INPP5F: variants seen among roughly 807,000 people sequenced by gnomAD.
INPP5F encodes the protein phosphatidylinositide 4-phosphatase SAC2.
INPP5F carries 97 observed loss-of-function variants against 137.2 expected under a neutral mutation model. The observed-to-expected ratio is 0.71, with a 90% CI of 0.60 to 0.84. The LOEUF is 0.84. Among genes scored for constraint, INPP5F ranks in the 40% least tolerant of loss-of-function variants. The pLI is 0.00. For missense variants in INPP5F, 1,271 were observed against 1,371.9 expected (o/e 0.93, Z 1.16); for synonymous variants, 504 against 476.9 (o/e 1.06, Z -0.74).
Position 119,828,670 on chromosome 10 carries a change from C to T in INPP5F, c.*890C>T, listed in dbSNP as rs927279411. The T allele has an allele frequency of 7.2e-5, 11 of 152,258 alleles. No homozygotes were observed. The highest frequency in any genetic ancestry group is 2.7e-4 in the African/African-American group (11 of 41,414). 9.4% of individuals were successfully genotyped at this position (152,258 alleles called of 1,614,324 possible). A position where few individuals can be genotyped will look rare whatever the true frequency, so the allele number is the denominator to read the frequency against. ...CTTTGGGAGGCCAGGAGTTTTGAGA[C>T]CAGCCTGGGAAACATCTGTCTCTAC... On this transcript the variant is annotated 3_prime_UTR_variant, in exon 20 of 20. Coordinates refer to ENST00000650623, the MANE Select transcript of INPP5F (RefSeq NM_014937.4).
Position 119,810,117 on chromosome 10 carries a change from A to C in INPP5F, c.1587A>C (p.Thr529=). The change falls in exon 14 of 20, where the codon ACA becomes ACC. Residue 529 remains threonine (T), a synonymous_variant. Coordinates refer to ENST00000650623, the MANE Select transcript of INPP5F (RefSeq NM_014937.4). ...TAALKGDFTR[T]GERKLAGVMK... is the part of the protein sequence containing the mutation. ...TTTGACAGGGTGACTTTACAAGGAC[A>C]GGAGAAAGGAAGTTAGCAGGAGTTA... The C allele has an allele frequency of 1.2e-6, 2 of 1,610,128 alleles. No homozygotes were observed. The highest frequency in any genetic ancestry group is 1.7e-6 in the Non-Finnish European group (2 of 1,176,686).
chr10:119,761,609 T>TA (rs1389848754), intron 2 of INPP5F, among the ~76,000 whole-genome samples: 1 of 152,070 alleles, frequency 6.6e-6, no homozygotes, highest in African/African-American at 2.4e-5. Flanking sequence ...GACATGGCTT[T>TA]AAATGTAAAA....
intron 8 of INPP5F, 146 bp from the exon 9 acceptor site, chr10:119,798,397 A>G: frequency 1.7e-6 from 1 of 573,138 alleles, no homozygotes; most frequent in Admixed American, 3.3e-5. Flanking sequence ...TTGACTTAGC[A>G]TTTCATTTTT....
intron 19 of INPP5F, among the ~76,000 whole-genome samples, chr10:119,826,234 G>A (rs1007677436): frequency 1.1e-4 from 16 of 152,206 alleles, no homozygotes; most frequent in African/African-American, 3.9e-4. Context: ...TGGTTGTGAA[G>A]CCTTTTAGAA....
At chr10:119,745,907 G>A (rs1848517658) in intron 1 of INPP5F, among the ~76,000 whole-genome samples, 1 of 152,020 alleles carries the variant, frequency 6.6e-6, no homozygotes, top group Non-Finnish European at 1.5e-5. Flanking sequence ...GTTTCACCAT[G>A]TTGGTCAGCC....
At chr10:119,765,812 T>C (rs1247617272) in intron 2 of INPP5F, among the ~76,000 whole-genome samples, 2 of 148,252 alleles carry the variant, frequency 1.3e-5, no homozygotes, top group African/African-American at 4.9e-5. Flanking sequence ...TATATAGATA[T>C]ACACTATATA....
chr10:119,791,299 A>G (rs967568376), intron 3 of INPP5F, among the ~76,000 whole-genome samples: 14 of 152,226 alleles, frequency 9.2e-5, no homozygotes, highest in Non-Finnish European at 1.9e-4. Flanking sequence ...AATCCTAAGT[A>G]TATCCTGCCC....
chr10:119,823,027 T>C, intron 17 of INPP5F, 44 bp from the exon 18 acceptor site: 10 of 1,552,670 alleles, frequency 6.4e-6, no homozygotes, highest in Non-Finnish European at 8.7e-6. Flanking sequence ...AAGAAAATGT[T>C]ATGTGAAACA....
chr10:119,777,948 C>G (rs1849579111), intron 2 of INPP5F, among the ~76,000 whole-genome samples: 1 of 152,060 alleles, frequency 6.6e-6, no homozygotes, highest in African/African-American at 2.4e-5. Context: ...GAAAGTTGAT[C>G]AGTACTTGGG....
chr10:119,820,126 G>A (rs545968966), intron 15 of INPP5F, among the ~76,000 whole-genome samples: 1 of 152,274 alleles, frequency 6.6e-6, no homozygotes, highest in East Asian at 1.9e-4. Context: ...TTAATTATTT[G>A]TAGATTTTAT....
chr10:119,810,150 T>C lies in INPP5F; in HGVS notation c.1620T>C (p.Asp540=). 1 of 1,613,552 alleles carries C rather than the reference T, an allele frequency of 6.2e-7. No homozygotes were observed. ...GERKLAGVMK[D]GVNSANRYYL... is the part of the protein sequence containing the mutation. The stretch of plus-strand genomic sequence containing the variant: ...GGAAGTTAGCAGGAGTTATGAAAGA[T>C]GGAGTGAACTCAGCAAACAGATATT... Residue 540 remains aspartate, a synonymous_variant, in exon 14 of 20, where the codon GAT becomes GAC. Transcript: ENST00000650623.
rs367600075 is a variant in INPP5F at position 119,746,934 on chromosome 10, G to A, written c.98-4142G>A. Among the ~76,000 whole-genome samples the A allele has an allele frequency of 1.1e-4, 16 of 151,912 alleles. No homozygotes were observed. The South Asian group carries it at 1.5e-3, about 14-fold the overall frequency. On this transcript the variant is annotated intron_variant, in intron 1 of 19. Transcript: ENST00000650623. ...CTCCCAAGTAGCTGGGATTATAGGC[G>A]TGTGCCAACACGTTCAGCTAATTTT... is the stretch of plus-strand genomic sequence containing the variant.
At chr10:119,740,469 G>A (rs1428004015) in intron 1 of INPP5F, among the ~76,000 whole-genome samples, 1 of 152,326 alleles carries the variant, frequency 6.6e-6, no homozygotes, top group East Asian at 1.9e-4. Context: ...CTCTGAGAAG[G>A]CTTTCAGGAA....
chr10:119,796,677 A>G (rs1415601275), intron 6 of INPP5F, 38 bp from the exon 7 acceptor site: 3 of 1,495,728 alleles, frequency 2.0e-6, no homozygotes, highest in Non-Finnish European at 2.8e-6. Context: ...GCAGTGCTGT[A>G]CAGAATAGAA....
At chr10:119,819,378 G>T in intron 15 of INPP5F, 1 of 1,378,282 alleles carries the variant, frequency 7.3e-7, no homozygotes, top group Non-Finnish European at 9.5e-7. Context: ...AGGACATAAT[G>T]TTTTTGACTG....
chr10:119,806,466 G>A lies in INPP5F; in HGVS notation c.1426G>A (p.Val476Ile). 6.2e-7 allele frequency: 1 copy of A among 1,604,302 alleles called. No homozygotes were observed. The highest frequency in any genetic ancestry group is 8.5e-7 in the Non-Finnish European group (1 of 1,176,566). Residue 476 changes from valine to isoleucine, a missense_variant, in exon 12 of 20, where the codon GTC (valine) becomes ATC (isoleucine). Val to Ile is a conservative substitution (Grantham distance 29). This residue lies in a region of INPP5F where 593 missense variants were observed against 712.4 expected (regional missense o/e 0.83). Coordinates refer to ENST00000650623, the MANE Select transcript of INPP5F (RefSeq NM_014937.4). ...NVVQAAIARVVMEQQLKKLGV... is the reference protein window; with the variant it reads ...NVVQAAIARVIMEQQLKKLGV... The stretch of plus-strand genomic sequence containing the variant: ...GGTCCAAGCTGCCATCGCGAGAGTG[G>A]TCATGGAACAGCAGGTAATTTGGAG...
intron 10 of INPP5F, among the ~76,000 whole-genome samples, chr10:119,804,911 G>C (rs146861600): frequency 5.8e-4 from 89 of 152,186 alleles, no homozygotes; most frequent in Non-Finnish European, 8.8e-5. Flanking sequence ...TTTTTTGATA[G>C]AGATGGGGTT....
At chr10:119,726,560 C>T (rs1209613608) in intron 1 of INPP5F, among the ~76,000 whole-genome samples, 6 of 152,204 alleles carry the variant, frequency 3.9e-5, no homozygotes, top group Non-Finnish European at 8.8e-5. Flanking sequence ...CGAGCCCCTA[C>T]CCCAGTGCGG....
intron 2 of INPP5F, among the ~76,000 whole-genome samples, chr10:119,765,859 T>G (rs1403797696): frequency 1.6e-5 from 1 of 60,784 alleles, no homozygotes. Flanking sequence ...CTGTATACAC[T>G]ATATACTATA....
Sources: allele counts gnomAD v4.1 joint callset (sites outside exome capture counted in the v4.1 genomes callset), GRCh38; gene constraint gnomAD v4.1.1; regional missense constraint gnomAD v4.1.1; transcripts MANE v1.5; gene names NCBI Gene and HGNC (gene_info 2026-07-23, HGNC 2026-07-21).